The following ST7 variants were observed in gnomAD, a reference collection of about 807,000 sequenced individuals.
ST7 encodes the protein suppressor of tumorigenicity 7 protein.
ST7 carries 28 observed loss-of-function variants against 78.7 expected under a neutral mutation model. The observed-to-expected ratio is 0.36, with a 90% confidence interval of 0.26 to 0.49. ST7 has a LOEUF of 0.49. Among genes scored for constraint, ST7 ranks in the 20% least tolerant of loss-of-function variants. The pLI is 0.99. For synonymous variants in ST7, 247 were observed against 249.6 expected (o/e 0.99, Z 0.10); for missense variants, 418 against 696.0 (o/e 0.60, Z 4.49).
At chr7:117,140,870 G>C (rs1805230352) in intron 9 of ST7, among the ~76,000 whole-genome samples, 1 of 152,146 alleles carries the variant, frequency 6.6e-6, no homozygotes. Flanking sequence ...TATTCAAAGT[G>C]CTCCTTCCTT....
At chr7:117,006,896 C>T (rs1294316458) in intron 1 of ST7, among the ~76,000 whole-genome samples, 2 of 152,078 alleles carry the variant, frequency 1.3e-5, no homozygotes, top group East Asian at 1.9e-4. Flanking sequence ...TTTGGGGTGC[C>T]GCAAACCACA....
chr7:117,125,975 T>C (rs1320265612), intron 3 of ST7, among the ~76,000 whole-genome samples: 11 of 152,030 alleles, frequency 7.2e-5, no homozygotes, highest in Non-Finnish European at 1.5e-4. Context: ...TTAGCTTTTC[T>C]GTACTTTTTA....
intron 10 of ST7, among the ~76,000 whole-genome samples, chr7:117,186,719 T>C (rs1014403611): frequency 2.0e-4 from 30 of 152,348 alleles, no homozygotes; most frequent in East Asian, 1.3e-3. Flanking sequence ...CTTATTGATA[T>C]GTGCACAATA....
rs5886845 is a variant in ST7 at position 117,200,818 on chromosome 7, CTTTT to C, written c.1255-8956_1255-8953del. On this transcript the variant is annotated intron_variant, in intron 12 of 15. Transcript: ENST00000323984. ...AATGCATTCCCATTAAAAATGTACT[CTTTT>C]TTTTTTTTTTTTAAAAAAAAAAGAA... is the stretch of plus-strand genomic sequence containing the variant. Among the ~76,000 whole-genome samples the C allele has an allele frequency of 8.4e-3, 1,192 of 141,652 alleles. 5 individuals carry two copies. The highest frequency in any genetic ancestry group is 9.4e-3 in the African/African-American group (358 of 37,888). The allele number at this position is 141,652 out of a possible 152,430, so 92.9% of individuals were successfully genotyped here.
chr7:117,038,395 A>G (rs1456996965), intron 1 of ST7, among the ~76,000 whole-genome samples: 2 of 152,298 alleles, frequency 1.3e-5, no homozygotes, highest in Non-Finnish European at 2.9e-5. Context: ...TTTTTTTAAC[A>G]TGTCAGAGTT....
At chr7:117,048,621 A>G (rs374060380) in intron 1 of ST7, among the ~76,000 whole-genome samples, 3 of 152,234 alleles carry the variant, frequency 2.0e-5, no homozygotes, top group East Asian at 3.9e-4. Context: ...CCTTTTTGCC[A>G]TATCTGCGGT....
In ST7 at chr7:117,029,572, A is replaced by G. The variant is rs116211510; in HGVS notation, c.152-70190A>G. On this transcript the variant is annotated intron_variant, in intron 1 of 15. Transcript: ENST00000323984. ...TTTTCTTAATAATGTTAAGTTTTTA[A>G]TTTTGATGAAGTCCAGTTTATCAAT... Among the ~76,000 whole-genome samples the G allele has an allele frequency of 9.4e-3, 1,427 of 152,046 alleles. 20 individuals carry two copies. Among genetic ancestry groups the G allele is most frequent in the African/African-American group, 0.033 (1,375 of 41,494 alleles).
intron 1 of ST7, among the ~76,000 whole-genome samples, chr7:117,012,991 T>C (rs901587850): frequency 2.6e-5 from 4 of 152,226 alleles, no homozygotes; most frequent in African/African-American, 9.6e-5. Flanking sequence ...ATTAATAAAA[T>C]GCATTTCCTT....
At chr7:117,137,496 T>G (rs893549721) in intron 8 of ST7, among the ~76,000 whole-genome samples, 3 of 152,194 alleles carry the variant, frequency 2.0e-5, no homozygotes, top group Non-Finnish European at 4.4e-5. Context: ...TTTTCTTCTC[T>G]AAATTAAATC....
intron 9 of ST7, among the ~76,000 whole-genome samples, chr7:117,153,764 G>T (rs1363152009): frequency 6.6e-6 from 1 of 152,230 alleles, no homozygotes; most frequent in East Asian, 1.9e-4. Flanking sequence ...AGAATGTAAA[G>T]TGTATAAAAT....
intron 1 of ST7, among the ~76,000 whole-genome samples, chr7:117,011,075 C>A (rs1795364733): frequency 6.6e-6 from 1 of 152,114 alleles, no homozygotes; most frequent in Non-Finnish European, 1.5e-5. Flanking sequence ...GAGGTGTGAC[C>A]CACCAGGTCA....
chr7:117,112,784 CT>C (rs1802539928), intron 2 of ST7: 2 of 152,312 alleles, frequency 1.3e-5, no homozygotes, highest in Non-Finnish European at 2.9e-5. Context: ...CACCTTGTCT[CT>C]TGACTCTAGA....
chr7:117,196,646 T>A (rs1007862569), intron 12 of ST7, among the ~76,000 whole-genome samples: 4 of 125,348 alleles, frequency 3.2e-5, no homozygotes, highest in African/African-American at 1.2e-4. Flanking sequence ...TTTTTTTTTT[T>A]TTTTTGCTAT....
At chr7:117,109,592 T>C (rs1802259248) in intron 2 of ST7, among the ~76,000 whole-genome samples, 2 of 152,126 alleles carry the variant, frequency 1.3e-5, no homozygotes, top group Admixed American at 6.5e-5. Flanking sequence ...CCAGATAGAC[T>C]CACAGCTGAA....
chr7:117,043,133 A>C (rs1395370703), intron 1 of ST7, among the ~76,000 whole-genome samples: 3 of 152,230 alleles, frequency 2.0e-5, no homozygotes, highest in African/African-American at 7.2e-5. Flanking sequence ...TCATTGAATC[A>C]TCACAAAACA....
rs1797378463 is a variant in ST7, at chr7:117,044,299, A to G, written c.152-55463A>G. ...CACTCATTTGCTTAAAAGCCTGATA[A>G]AGTCAGCATCATTTGAAAGCTCGGC... is the stretch of plus-strand genomic sequence containing the variant. On this transcript the variant is annotated intron_variant, in intron 1 of 15. Transcript: ENST00000323984. Among the ~76,000 whole-genome samples the G allele has an allele frequency of 3.3e-5, 5 of 152,218 alleles. 1 individual carries two copies. The South Asian group carries it at 1.0e-3, about 32-fold the overall frequency.
chr7:117,108,919 G>A (rs1802193199), intron 2 of ST7, among the ~76,000 whole-genome samples: 1 of 152,108 alleles, frequency 6.6e-6, no homozygotes, highest in South Asian at 2.1e-4. Context: ...TTGGTGTATA[G>A]CAGGGCTACT....
intron 1 of ST7, among the ~76,000 whole-genome samples, chr7:117,018,446 A>AT (rs908075155): frequency 2.7e-4 from 41 of 150,856 alleles, no homozygotes; most frequent in Admixed American, 7.3e-4. Flanking sequence ...ATTTTCTGTG[A>AT]TTTTTTTTCT....
intron 1 of ST7, among the ~76,000 whole-genome samples, chr7:117,043,326 G>A (rs997377923): frequency 6.6e-6 from 1 of 152,160 alleles, no homozygotes; most frequent in East Asian, 1.9e-4. Context: ...TTAGAAATTG[G>A]TGTTGATGAA....
Sources: allele counts gnomAD v4.1 joint callset (sites outside exome capture counted in the v4.1 genomes callset), GRCh38; gene constraint gnomAD v4.1.1; transcripts MANE v1.5; gene names NCBI Gene and HGNC (gene_info 2026-07-23, HGNC 2026-07-21).